IL23R: variants seen among roughly 807,000 people sequenced by gnomAD.
The protein encoded by IL23R is interleukin-23 receptor.
In IL23R, 34 loss-of-function variants were observed where a neutral mutation model predicts 56.9. The ratio of observed to expected loss-of-function variants is 0.60; its 90% CI spans 0.45 to 0.80. The LOEUF is 0.80. Ranked by LOEUF, IL23R falls within the 30% of genes least tolerant of loss-of-function variation. The pLI is 0.00. For missense variants in IL23R, 635 were observed against 730.0 expected (o/e 0.87, Z 1.50); for synonymous variants, 230 against 249.2 (o/e 0.92, Z 0.73).
chr1:67,227,940 A>ATCTTTCTTTCTCTTTCTT (rs1490344663), intron 7 of IL23R, among the ~76,000 whole-genome samples: 4 of 37,434 alleles, frequency 1.1e-4, no homozygotes, highest in Non-Finnish European at 2.4e-4. Context: ...CAGAACAAAG[A>ATCTTTCTTTCTCTTTCTT]TCTTTCTTTC....
chr1:67,226,881 G>A (rs1442775405), intron 7 of IL23R, among the ~76,000 whole-genome samples: 2 of 152,138 alleles, frequency 1.3e-5, no homozygotes, highest in Non-Finnish European at 2.9e-5. Flanking sequence ...TTTCTCCTGA[G>A]TCACTGACCA....
intron 6 of IL23R, among the ~76,000 whole-genome samples, chr1:67,208,457 C>T (rs2102640961): frequency 1.3e-5 from 2 of 152,348 alleles, no homozygotes; most frequent in Middle Eastern, 6.8e-3. Context: ...ACCAGGGTCA[C>T]TGTGCTGTGT....
chr1:67,240,128 T>A (rs763257027), intron 8 of IL23R, 51 bp from the exon 9 acceptor site: 9 of 1,216,880 alleles, frequency 7.4e-6, no homozygotes, highest in South Asian at 1.2e-5. Flanking sequence ...AATTCTGGTA[T>A]CAAATGAAGA....
chr1:67,194,818 C>T (rs775359636), intron 4 of IL23R, among the ~76,000 whole-genome samples: 1 of 152,182 alleles, frequency 6.6e-6, no homozygotes, highest in Non-Finnish European at 1.5e-5. Flanking sequence ...TCTTACTTAG[C>T]ATGAGGTTAA....
chr1:67,256,031 T>TATTAACATAATTATATAG, intron 10 of IL23R, 104 bp downstream of exon 10: 1 of 697,658 alleles, frequency 1.4e-6, no homozygotes, highest in Non-Finnish European at 2.6e-6. Flanking sequence ...TGTGCACACA[T>TATTAACATAATTATATAG]ATTAACATAA....
chr1:67,227,611 G>A (rs1466479018), intron 7 of IL23R, among the ~76,000 whole-genome samples: 1 of 152,090 alleles, frequency 6.6e-6, no homozygotes, highest in African/African-American at 2.4e-5. Context: ...TTATGTTAAC[G>A]GAACTAAATA....
chr1:67,200,322 G>A (rs949033798), intron 4 of IL23R, among the ~76,000 whole-genome samples: 7 of 151,860 alleles, frequency 4.6e-5, no homozygotes, highest in Admixed American at 2.0e-4. Context: ...GATTACAAGC[G>A]TGAGCCATAA....
chr1:67,164,751 T>C (rs930694308), upstream of IL23R, among the ~76,000 whole-genome samples: 1 of 152,164 alleles, frequency 6.6e-6, no homozygotes, highest in Admixed American at 6.5e-5. Context: ...CTCCACACAG[T>C]GTTGGAGTCA....
intron 1 of IL23R, among the ~76,000 whole-genome samples, chr1:67,145,132 G>A (rs950339468): frequency 4.6e-5 from 7 of 152,156 alleles, no homozygotes; most frequent in African/African-American, 1.7e-4. Flanking sequence ...ATCACCTGAG[G>A]TCAGGGAGTT....
upstream of IL23R, among the ~76,000 whole-genome samples, chr1:67,161,577 C>T (rs12041056): frequency 0.32 from 48,105 of 151,334 alleles, 9,539 homozygotes; most frequent in East Asian, 0.61. Flanking sequence ...TTTCAAACTA[C>T]GTACTCCCTT....
intron 7 of IL23R, among the ~76,000 whole-genome samples, chr1:67,236,475 A>G (rs1398643359): frequency 3.3e-5 from 5 of 152,346 alleles, no homozygotes; most frequent in East Asian, 3.9e-4. Flanking sequence ...AAGTTTTACA[A>G]CCTAGGTAGA....
intron 6 of IL23R, 92 bp downstream of exon 6, chr1:67,207,147 A>T (rs1481785434): frequency 7.7e-7 from 1 of 1,293,660 alleles, no homozygotes; most frequent in Non-Finnish European, 1.1e-6. Context: ...TGTCTATTTT[A>T]CATGTTTTTA....
chr1:67,251,503 C>T (rs1490647267), intron 9 of IL23R, among the ~76,000 whole-genome samples: 2 of 151,662 alleles, frequency 1.3e-5, no homozygotes, highest in Admixed American at 1.3e-4. Flanking sequence ...ATACCTATAG[C>T]TTGGATATCC....
At chr1:67,257,823 C>T (rs558479751) in intron 10 of IL23R, among the ~76,000 whole-genome samples, 1 of 152,316 alleles carries the variant, frequency 6.6e-6, no homozygotes, top group East Asian at 1.9e-4. Flanking sequence ...CCTGTCTCAG[C>T]CTCCTGAGTA....
Position 67,258,568 on chromosome 1 carries a change from G to C in IL23R, c.1330G>C (p.Glu444Gln). The C allele has an allele frequency of 6.2e-7, 1 of 1,611,798 alleles. No individual in the cohort carries two copies. The highest frequency in any genetic ancestry group is 8.5e-7 in the Non-Finnish European group (1 of 1,179,226). The change falls in exon 11 of 11, where the codon GAA becomes CAA. Residue 444 changes from glutamate (E) to glutamine (Q), a missense_variant. By Grantham distance (29) the Glu-to-Gln change is conservative. Coordinates refer to ENST00000347310, the MANE Select transcript of IL23R (RefSeq NM_144701.3). ...AGAGATAAAAGAAATCTTCATCCCA[G>C]AACACAAGCCTACAGACTACAAGAA... ...ITEIKEIFIPEHKPTDYKKEN... is the reference protein window; with the variant it reads ...ITEIKEIFIPQHKPTDYKKEN...
intron 5 of IL23R, among the ~76,000 whole-genome samples, chr1:67,201,132 G>T (rs112635646): frequency 7.1e-6 from 1 of 140,840 alleles, no homozygotes; most frequent in African/African-American, 2.6e-5. Flanking sequence ...TGGCTGGGCC[G>T]GTGGCTCACG....
At chr1:67,182,045 G>C (rs560966046) in intron 3 of IL23R, among the ~76,000 whole-genome samples, 122 of 152,312 alleles carry the variant, frequency 8.0e-4, no homozygotes, top group Non-Finnish European at 1.5e-3. Context: ...TGCCCCTACT[G>C]GGGGGTGCCT....
chr1:67,242,804 A>G (rs1416106562), intron 9 of IL23R, among the ~76,000 whole-genome samples: 2 of 152,206 alleles, frequency 1.3e-5, no homozygotes, highest in Non-Finnish European at 2.9e-5. Context: ...ATAATAATCT[A>G]CTATTATAAC....
At chr1:67,199,617 T>C (rs939915258) in intron 4 of IL23R, among the ~76,000 whole-genome samples, 3 of 152,212 alleles carry the variant, frequency 2.0e-5, no homozygotes, top group East Asian at 3.8e-4. Flanking sequence ...TATGTTCATG[T>C]ATATGCATGT....
Sources: gnomAD v4.1 joint callset for allele counts (sites outside exome capture counted in the v4.1 genomes callset) on GRCh38, gnomAD v4.1.1 for gene constraint, MANE v1.5 for transcripts, NCBI Gene and HGNC (gene_info 2026-07-23, HGNC 2026-07-21) for gene names.